Variants in SLC44A5 observed in about 807,000 individuals in gnomAD.
SLC44A5 encodes the protein choline transporter-like protein 5.
A neutral mutation model predicts 101.8 loss-of-function variants in SLC44A5; 57 were observed. The ratio of observed to expected loss-of-function variants is 0.56; its 90% confidence interval spans 0.45 to 0.70. The LOEUF is 0.70. SLC44A5 is among the 30% of genes least tolerant of loss of function. The pLI, the probability that SLC44A5 is intolerant of heterozygous loss-of-function variation, is 0.00. For missense variants in SLC44A5, 737 were observed against 853.1 expected (o/e 0.86, Z 1.70); for synonymous variants, 281 against 290.9 (o/e 0.97, Z 0.35).
the SLC44A5 span, among the ~76,000 whole-genome samples, chr1:75,667,215 T>C: frequency 1.2e-4 from 19 of 152,264 alleles, no homozygotes; most frequent in East Asian, 3.5e-3. Context: ...CTTAAACTGA[T>C]AAGCAACTTC....
intron 5 of SLC44A5, among the ~76,000 whole-genome samples, chr1:75,279,538 T>C (rs1352939715): frequency 6.6e-6 from 1 of 152,110 alleles, no homozygotes; most frequent in African/African-American, 2.4e-5. Flanking sequence ...AAATAAGAAA[T>C]ATTTGTTTTT....
intron 2 of SLC44A5, among the ~76,000 whole-genome samples, chr1:75,457,724 G>A (rs1460242594): frequency 6.6e-6 from 1 of 152,148 alleles, no homozygotes; most frequent in African/African-American, 2.4e-5. Flanking sequence ...CGGGCATGGA[G>A]GCGCATGCCT....
the SLC44A5 span, among the ~76,000 whole-genome samples, chr1:75,698,979 G>C: frequency 6.6e-6 from 1 of 152,166 alleles, no homozygotes; most frequent in South Asian, 2.1e-4. Context: ...AAGGAACAAA[G>C]CCTCCAAGAA....
Position 75,586,652 on chromosome 1 carries a change from C to T in SLC44A5, c.-70+24388G>A, listed in dbSNP as rs536154636. Among the ~76,000 whole-genome samples, 127 of 151,978 alleles carry T rather than the reference C, an allele frequency of 8.4e-4. 1 individual carries two copies. The highest frequency in any genetic ancestry group is 1.5e-3 in the Non-Finnish European group (105 of 67,972). On this transcript the variant is annotated intron_variant, in intron 1 of 23. Coordinates refer to ENST00000370859, the MANE Select transcript of SLC44A5 (RefSeq NM_001130058.2). ...GATGAATGGGAAGACTACACCTTTGCAGGTCCACTATACCATATATTGACT... is the reference window on the plus strand; with the variant it reads ...GATGAATGGGAAGACTACACCTTTGTAGGTCCACTATACCATATATTGACT...
rs373414655 is a variant in SLC44A5 at position 75,578,324 on chromosome 1, CA to C, written c.-70+32715del. On this transcript the variant is annotated intron_variant, in intron 1 of 23. Transcript: ENST00000370859. ...TCTGTGATTAATAACTGAAATAGCA[CA>C]AAAAAACATCTAACACACCAATATT... Among the ~76,000 whole-genome samples the C allele has an allele frequency of 6.3e-3, 950 of 151,988 alleles. 12 individuals are homozygous for C. The highest frequency in any genetic ancestry group is 0.022 in the African/African-American group (902 of 41,468).
chr1:75,712,713 A>AAAAAATAAAAAAAAAAAAAAAAAAAAAAC, the SLC44A5 span, among the ~76,000 whole-genome samples: 5 of 110,640 alleles, frequency 4.5e-5, no homozygotes, highest in Non-Finnish European at 5.3e-5. Context: ...AAAAAAAAAA[A>AAAAAATAAAAAAAAAAAAAAAAAAAAAAC]ATGGAAAAGA....
intron 4 of SLC44A5, among the ~76,000 whole-genome samples, chr1:75,330,356 C>T (rs773448100): frequency 6.6e-6 from 1 of 151,954 alleles, no homozygotes. Flanking sequence ...CCACCACCCC[C>T]GTGATGGCCT....
At chr1:75,718,304 TG>T in the SLC44A5 span, among the ~76,000 whole-genome samples, 2 of 152,124 alleles carry the variant, frequency 1.3e-5, no homozygotes, top group Admixed American at 6.5e-5. Flanking sequence ...GAGTAGAAGA[TG>T]GAGTGCTGGT....
At chr1:75,346,981 C>T (rs186229180) in intron 3 of SLC44A5, among the ~76,000 whole-genome samples, 26 of 152,088 alleles carry the variant, frequency 1.7e-4, no homozygotes, top group Middle Eastern at 3.4e-3. Context: ...TTTCTGAGTG[C>T]GGAGTTCAGG....
At chr1:75,411,186 C>A (rs565597179) in intron 2 of SLC44A5, among the ~76,000 whole-genome samples, 4 of 152,144 alleles carry the variant, frequency 2.6e-5, no homozygotes, top group African/African-American at 9.6e-5. Flanking sequence ...AAACAGTATT[C>A]ATCATTCCCT....
intron 5 of SLC44A5, among the ~76,000 whole-genome samples, chr1:75,292,987 T>G (rs1220232315): frequency 6.6e-6 from 1 of 152,234 alleles, no homozygotes; most frequent in Non-Finnish European, 1.5e-5. Flanking sequence ...TTCTTCATTA[T>G]CTCACTGTTT....
At chr1:75,475,806 C>G (rs1299410537) in intron 2 of SLC44A5, among the ~76,000 whole-genome samples, 2 of 152,216 alleles carry the variant, frequency 1.3e-5, no homozygotes, top group African/African-American at 4.8e-5. Context: ...CCCAGCTTTA[C>G]CACTTACTAA....
At chr1:75,336,728 C>T (rs1657473694) in intron 4 of SLC44A5, among the ~76,000 whole-genome samples, 1 of 152,098 alleles carries the variant, frequency 6.6e-6, no homozygotes, top group Non-Finnish European at 1.5e-5. Flanking sequence ...ACAGAATAGG[C>T]TGAACTTTTT....
At chr1:75,529,828 G>T (rs1031744664) in intron 2 of SLC44A5, among the ~76,000 whole-genome samples, 3 of 152,056 alleles carry the variant, frequency 2.0e-5, no homozygotes, top group Non-Finnish European at 4.4e-5. Flanking sequence ...AAAATATTCT[G>T]CTTGATTTTA....
chr1:75,506,552 G>A lies in SLC44A5; in HGVS notation c.13+34883C>T, dbSNP rs573404339. On this transcript the variant is annotated intron_variant, in intron 2 of 23. Coordinates refer to ENST00000370859, the MANE Select transcript of SLC44A5 (RefSeq NM_001130058.2). ...TGTTTCGTAGTTCTTGGAGAGCTCC[G>A]TCACCTCCATGATTGGATGTACTCC... 7.2e-5 allele frequency among the ~76,000 whole-genome samples: 11 copies of A among 152,162 alleles called. No individual in the cohort carries two copies. The East Asian group carries it at 9.7e-4, about 13-fold the overall frequency.
intron 2 of SLC44A5, among the ~76,000 whole-genome samples, chr1:75,521,004 A>G (rs1670087989): frequency 1.3e-5 from 2 of 152,202 alleles, no homozygotes; most frequent in Admixed American, 1.3e-4. Flanking sequence ...TTGTCCTGAC[A>G]CAGGGTAGCA....
intron 18 of SLC44A5, 83 bp downstream of exon 18, chr1:75,217,783 G>C: frequency 1.1e-6 from 1 of 880,166 alleles, no homozygotes; most frequent in Non-Finnish European, 1.9e-6. Context: ...TACTACCCTA[G>C]TCCAAGTTAT....
chr1:75,603,343 T>C lies in SLC44A5; in HGVS notation c.-70+7697A>G, dbSNP rs1176194213. Among the ~76,000 whole-genome samples the C allele has an allele frequency of 1.5e-5, 2 of 132,860 alleles. 1 individual carries two copies. The highest frequency in any genetic ancestry group is 4.6e-4 in the East Asian group (2 of 4,348). The allele number at this position is 132,860 out of a possible 152,430, so 87.2% of individuals were successfully genotyped here. ...CTTTTTTTGGCTATATAGTATTCCATAGTGTATTTGTACCTTTTTTTTTTT... is the reference window on the plus strand; with the variant it reads ...CTTTTTTTGGCTATATAGTATTCCACAGTGTATTTGTACCTTTTTTTTTTT... On this transcript the variant is annotated intron_variant, in intron 1 of 23. Transcript: ENST00000370859.
At chr1:75,321,930 C>T (rs909191711) in intron 4 of SLC44A5, among the ~76,000 whole-genome samples, 1 of 152,174 alleles carries the variant, frequency 6.6e-6, no homozygotes, top group African/African-American at 2.4e-5. Flanking sequence ...CATTGATGAA[C>T]TTCCATGGGA....
Sources: gnomAD v4.1 joint callset for allele counts (sites outside exome capture counted in the v4.1 genomes callset) on GRCh38, gnomAD v4.1.1 for gene constraint, MANE v1.5 for transcripts, NCBI Gene and HGNC (gene_info 2026-07-23, HGNC 2026-07-21) for gene names.